RAB5A: variants seen among roughly 807,000 people sequenced by gnomAD.
RAB5A encodes the protein RAB5A, member RAS oncogene family, also known as ras-related protein Rab-5A.
RAB5A carries 8 observed loss-of-function variants against 25.7 expected under a neutral mutation model. The observed-to-expected ratio is 0.31, with a 90% CI of 0.18 to 0.56. RAB5A has a LOEUF of 0.56. Among genes scored for constraint, RAB5A ranks in the 20% least tolerant of loss-of-function variants. The pLI is 0.91. For synonymous variants in RAB5A, 98 were observed against 89.8 expected (o/e 1.09, Z -0.52); for missense variants, 192 against 259.7 (o/e 0.74, Z 1.79).
chr3:19,971,671 C>T (rs895374080), intron 2 of RAB5A, among the ~76,000 whole-genome samples: 3 of 152,080 alleles, frequency 2.0e-5, no homozygotes, highest in Admixed American at 6.6e-5. Context: ...GACGAGGTTT[C>T]GCCATACCGG....
chr3:19,949,911 G>A (rs923751480), intron 1 of RAB5A, among the ~76,000 whole-genome samples: 3 of 151,784 alleles, frequency 2.0e-5, no homozygotes, highest in Admixed American at 6.6e-5. Context: ...GGTTCTGAGC[G>A]CCTGTAGTCT....
At chr3:19,961,938 T>C (rs2125183839) in intron 2 of RAB5A, among the ~76,000 whole-genome samples, 1 of 152,340 alleles carries the variant, frequency 6.6e-6, no homozygotes, top group East Asian at 1.9e-4. Flanking sequence ...ATGTAGAGAC[T>C]TAAAATTATT....
intron 1 of RAB5A, among the ~76,000 whole-genome samples, chr3:19,949,490 C>T (rs1341525637): frequency 6.6e-6 from 1 of 152,104 alleles, no homozygotes; most frequent in Non-Finnish European, 1.5e-5. Flanking sequence ...GTATAAGCCA[C>T]TCTGTCCAGT....
rs67898127 is a variant in RAB5A, at chr3:19,947,266, C to CCGGCGGCGG, written c.-336_-328dup. ...GGAAGAATTAGTCGGAACTCCAGCGCCGGCGGCGGCGGCGGCGGCGGAGGA... is the reference window on the plus strand; with the variant it reads ...GGAAGAATTAGTCGGAACTCCAGCGCCGGCGGCGGCGGCGGCGGCGGCGGCGGCGGAGGA... On this transcript the variant is annotated 5_prime_UTR_variant, in exon 1 of 6. Coordinates refer to ENST00000273047, the MANE Select transcript of RAB5A (RefSeq NM_004162.5). 11,579 of 182,328 alleles carry CCGGCGGCGG rather than the reference C, an allele frequency of 0.064. 756 individuals are homozygous for CCGGCGGCGG. Among genetic ancestry groups the CCGGCGGCGG allele is most frequent in the Non-Finnish European group, 0.091 (8,210 of 90,686 alleles). The allele number at this position is 182,328 out of a possible 1,614,324, so 11.3% of individuals were successfully genotyped here.
chr3:19,976,842 G>A (rs1696832060), intron 4 of RAB5A, among the ~76,000 whole-genome samples: 1 of 152,068 alleles, frequency 6.6e-6, no homozygotes, highest in Admixed American at 6.6e-5. Flanking sequence ...CCCCACATAT[G>A]TACATACGCA....
intron 2 of RAB5A, among the ~76,000 whole-genome samples, chr3:19,951,658 C>T (rs1696423954): frequency 6.7e-6 from 1 of 148,744 alleles, no homozygotes; most frequent in African/African-American, 2.5e-5. Context: ...TAGCCTCCCA[C>T]CAAGTAGTTG....
chr3:19,954,011 C>T (rs1329935313), intron 2 of RAB5A, among the ~76,000 whole-genome samples: 3 of 150,498 alleles, frequency 2.0e-5, no homozygotes, highest in Non-Finnish European at 4.5e-5. Flanking sequence ...TTTTGCATTT[C>T]AACTGTTGGT....
intron 3 of RAB5A, 122 bp from the exon 4 acceptor site, chr3:19,975,925 A>G: frequency 7.2e-7 from 1 of 1,386,802 alleles, no homozygotes; most frequent in South Asian, 1.5e-5. Context: ...CTCATAATAC[A>G]ATAGTCCTAA....
chr3:19,971,366 G>T (rs1341607220), intron 2 of RAB5A, among the ~76,000 whole-genome samples: 1 of 150,878 alleles, frequency 6.6e-6, no homozygotes, highest in African/African-American at 2.4e-5. Context: ...ATTTTTTAAA[G>T]TATATTATAA....
chr3:19,969,840 C>A (rs535175665), intron 2 of RAB5A, among the ~76,000 whole-genome samples: 1 of 152,280 alleles, frequency 6.6e-6, no homozygotes, highest in African/African-American at 2.4e-5. Flanking sequence ...GAGTCTCACT[C>A]TGTCACCCAG....
At chr3:19,948,983 CCTA>C (rs1193819936) in intron 1 of RAB5A, among the ~76,000 whole-genome samples, 1 of 151,900 alleles carries the variant, frequency 6.6e-6, no homozygotes, top group Non-Finnish European at 1.5e-5. Flanking sequence ...AATTTCAATC[CCTA>C]CTATGTATAT....
intron 2 of RAB5A, among the ~76,000 whole-genome samples, chr3:19,973,702 T>G (rs907088052): frequency 6.6e-6 from 1 of 152,194 alleles, no homozygotes; most frequent in East Asian, 1.9e-4. Context: ...TTCATAAAAC[T>G]ATTAATTAGA....
intron 2 of RAB5A, among the ~76,000 whole-genome samples, chr3:19,953,493 C>G (rs34955379): frequency 6.6e-6 from 1 of 150,936 alleles, no homozygotes; most frequent in East Asian, 1.9e-4. Context: ...CTGCAACCTC[C>G]GCTTCCCAGG....
Position 19,984,329 on chromosome 3 carries a change from AAATT to A in RAB5A, c.*509_*512del, listed in dbSNP as rs541250739. ...TAAAATGTACATTCCACATTTTAAT[AAATT>A]AACCACAAGAAAATAATCCCACATA... is the stretch of plus-strand genomic sequence containing the variant. On this transcript the variant is annotated 3_prime_UTR_variant, in exon 6 of 6. Transcript: ENST00000273047. The A allele has an allele frequency of 4.0e-4, 161 of 406,342 alleles. No homozygotes were observed. The highest frequency in any genetic ancestry group is 3.2e-3 in the African/African-American group (148 of 46,604). 25.2% of individuals were successfully genotyped at this position (406,342 alleles called of 1,614,324 possible).
At chr3:19,951,147 A>G in intron 2 of RAB5A, 86 bp downstream of exon 2, 1 of 1,464,316 alleles carries the variant, frequency 6.8e-7, no homozygotes. Context: ...GTGATTATGA[A>G]TAGCTAAATA....
chr3:19,975,455 T>G (rs1696810843), intron 2 of RAB5A, 146 bp from the exon 3 acceptor site: 2 of 685,914 alleles, frequency 2.9e-6, no homozygotes, highest in Non-Finnish European at 4.5e-6. Flanking sequence ...CCCCCCTCAT[T>G]TATTACTTTT....
intron 4 of RAB5A, 61 bp from the exon 5 acceptor site, chr3:19,978,249 C>A: frequency 9.5e-7 from 1 of 1,056,066 alleles, no homozygotes; most frequent in Non-Finnish European, 1.5e-6. Flanking sequence ...AAGTTTAAAG[C>A]AGGTGTAGTG....
At position 19,963,554 on chromosome 3, in the gene RAB5A, G is replaced by C. The variant is rs141198637; in HGVS notation, c.164-12047G>C. ...TAGATAATTATATCCTAGGATTACA[G>C]GTTTCCTCTAACTGTTAATAGGAGT... On this transcript the variant is annotated intron_variant, in intron 2 of 5. Coordinates refer to ENST00000273047, the MANE Select transcript of RAB5A (RefSeq NM_004162.5). 2.2e-4 allele frequency among the ~76,000 whole-genome samples: 33 copies of C among 152,072 alleles called. No homozygotes were observed. The East Asian group carries it at 6.2e-3, about 29-fold the overall frequency.
intron 1 of RAB5A, among the ~76,000 whole-genome samples, chr3:19,949,390 T>G (rs1016010476): frequency 6.6e-6 from 1 of 152,208 alleles, no homozygotes; most frequent in East Asian, 1.9e-4. Context: ...TTCTTTCTTT[T>G]GTTTTTAATA....
Sources: allele counts gnomAD v4.1 joint callset (sites outside exome capture counted in the v4.1 genomes callset), GRCh38; gene constraint gnomAD v4.1.1; transcripts MANE v1.5; gene names NCBI Gene and HGNC (gene_info 2026-07-23, HGNC 2026-07-21).